The following DLG2 variants were observed in gnomAD, a reference collection of about 807,000 sequenced individuals.
The protein encoded by DLG2 is disks large homolog 2.
Under a neutral mutation model 132.5 loss-of-function variants are expected in DLG2, and 45 were observed. The ratio of observed to expected loss-of-function variants is 0.34; its 90% confidence interval spans 0.27 to 0.44. DLG2 has a LOEUF of 0.44. Ranked by LOEUF, DLG2 falls within the 20% of genes least tolerant of loss-of-function variation. The probability of loss-of-function intolerance (pLI) is 1.00; values close to 1 mark genes in which losing one functional copy is unlikely to be tolerated. For synonymous variants in DLG2, 424 were observed against 419.6 expected (o/e 1.01, Z -0.13); for missense variants, 1,045 against 1,196.9 (o/e 0.87, Z 1.87).
chr11:84,300,521 G>T (rs2098140067), intron 7 of DLG2, among the ~76,000 whole-genome samples: 1 of 152,138 alleles, frequency 6.6e-6, no homozygotes, highest in Non-Finnish European at 1.5e-5. Flanking sequence ...AATTTTAAAT[G>T]GGAACTACTT....
chr11:83,621,004 A>T (rs2061555389), intron 19 of DLG2, among the ~76,000 whole-genome samples: 1 of 151,080 alleles, frequency 6.6e-6, no homozygotes, highest in South Asian at 2.1e-4. Context: ...ATAAGGTAAG[A>T]TTATATGGAT....
intron 18 of DLG2, among the ~76,000 whole-genome samples, chr11:83,774,555 T>C (rs1018503599): frequency 3.3e-5 from 5 of 152,244 alleles, no homozygotes; most frequent in Admixed American, 2.6e-4. Context: ...GATTTCACAG[T>C]AGGAATTCTT....
intron 18 of DLG2, among the ~76,000 whole-genome samples, chr11:83,726,882 C>G (rs1274894116): frequency 1.3e-5 from 2 of 152,174 alleles, no homozygotes; most frequent in Non-Finnish European, 2.9e-5. Flanking sequence ...ATAATGACCC[C>G]TTCAGATGAA....
intron 6 of DLG2, among the ~76,000 whole-genome samples, chr11:85,093,391 AC>A (rs1190869247): frequency 1.3e-5 from 2 of 152,092 alleles, no homozygotes; most frequent in African/African-American, 4.8e-5. Flanking sequence ...GATATTCCCC[AC>A]CCAGTACACT....
intron 3 of DLG2, among the ~76,000 whole-genome samples, chr11:85,464,066 G>A (rs915646260): frequency 6.8e-5 from 10 of 146,982 alleles, no homozygotes; most frequent in East Asian, 6.1e-4. Flanking sequence ...AGGGTAGGTT[G>A]TATCATATAC....
chr11:84,376,928 T>C (rs556210748), intron 7 of DLG2, among the ~76,000 whole-genome samples: 155 of 151,994 alleles, frequency 1.0e-3, no homozygotes, highest in Non-Finnish European at 1.5e-3. Flanking sequence ...AATGGCAAAT[T>C]ATGTTGAAAA....
chr11:85,181,980 C>T (rs190556091), intron 4 of DLG2, among the ~76,000 whole-genome samples: 4 of 151,952 alleles, frequency 2.6e-5, no homozygotes, highest in African/African-American at 7.2e-5. Flanking sequence ...TTTGCCTCAT[C>T]TTTGTGATGT....
chr11:84,401,288 C>A (rs936710136), intron 7 of DLG2, among the ~76,000 whole-genome samples: 2 of 152,132 alleles, frequency 1.3e-5, no homozygotes, highest in Admixed American at 6.5e-5. Context: ...GCCCTCAAAA[C>A]CCCCTGTACT....
intron 18 of DLG2, among the ~76,000 whole-genome samples, chr11:83,688,387 C>T (rs1226274971): frequency 6.6e-6 from 1 of 152,058 alleles, no homozygotes; most frequent in African/African-American, 2.4e-5. Context: ...GTATCTAGAA[C>T]ACCATAAAAA....
Position 83,527,414 on chromosome 11 carries a change from C to T in DLG2, c.2193+5294G>A, listed in dbSNP as rs189037026. Among the ~76,000 whole-genome samples, 21 of 152,212 alleles carry T rather than the reference C, an allele frequency of 1.4e-4. 2 individuals carry two copies. Among genetic ancestry groups the T allele is most frequent in the African/African-American group, 5.1e-4 (21 of 41,538 alleles). ...GGAAATAAATGATTTCCTTTGAAGT[C>T]TTGTGGTGATTAAGAGATGTATGTA... On this transcript the variant is annotated intron_variant, in intron 21 of 27. Coordinates refer to ENST00000376104, the MANE Select transcript of DLG2 (RefSeq NM_001142699.3).
chr11:83,614,775 T>C (rs2060569334), intron 19 of DLG2, among the ~76,000 whole-genome samples: 1 of 152,146 alleles, frequency 6.6e-6, no homozygotes, highest in Admixed American at 6.5e-5. Flanking sequence ...ACTTAACAAA[T>C]ATTTATGCAA....
Position 84,934,515 on chromosome 11 carries a change from G to GGT in DLG2, c.357+177145_357+177146insAC, listed in dbSNP as rs1566441569. Among the ~76,000 whole-genome samples the GGT allele has an allele frequency of 9.4e-3, 380 of 40,428 alleles. 22 individuals are homozygous for GGT. The highest frequency in any genetic ancestry group is 0.019 in the East Asian group (16 of 822). 26.5% of individuals were successfully genotyped at this position (40,428 alleles called of 152,430 possible). A position where few individuals can be genotyped will look rare whatever the true frequency, so the allele number is the denominator to read the frequency against. ...GTATGGTCCTGGGTGTTTTTTTTTTGTTTTGTTTTGTTTTTTTTTTTTTTT... is the reference window on the plus strand; with the variant it reads ...GTATGGTCCTGGGTGTTTTTTTTTTGGTTTTTGTTTTGTTTTTTTTTTTTTTT... On this transcript the variant is annotated intron_variant, in intron 6 of 27. Coordinates refer to ENST00000376104, the MANE Select transcript of DLG2 (RefSeq NM_001142699.3).
At position 84,344,155 on chromosome 11, in the gene DLG2, A is replaced by T. The variant is rs959761366; in HGVS notation, c.520-92864T>A. Among the ~76,000 whole-genome samples the T allele has an allele frequency of 4.6e-5, 7 of 152,356 alleles. 1 individual carries two copies. Among genetic ancestry groups the T allele is most frequent in the South Asian group, 4.1e-4 (2 of 4,826 alleles). On this transcript the variant is annotated intron_variant, in intron 7 of 27. Transcript: ENST00000376104. ...GTTTGGGAAACAAATACCAACACAG[A>T]GTCCAGTTTGAAGCCTCTTTGAAAA...
At chr11:83,806,220 T>G (rs1178944094) in intron 17 of DLG2, among the ~76,000 whole-genome samples, 3 of 152,178 alleles carry the variant, frequency 2.0e-5, no homozygotes, top group Non-Finnish European at 2.9e-5. Flanking sequence ...ACATGAATTT[T>G]GGTCCTTCTT....
intron 19 of DLG2, among the ~76,000 whole-genome samples, chr11:83,624,465 C>G (rs147796484): frequency 1.1e-4 from 16 of 152,296 alleles, no homozygotes; most frequent in African/African-American, 3.8e-4. Context: ...AAGGATACAA[C>G]TAAAAATGCA....
rs565259798 is a variant in DLG2, at chr11:84,329,953, G to A, written c.520-78662C>T. Among the ~76,000 whole-genome samples, 14 of 152,216 alleles carry A rather than the reference G, an allele frequency of 9.2e-5. No homozygotes were observed. The East Asian group carries it at 2.7e-3, about 29-fold the overall frequency. On this transcript the variant is annotated intron_variant, in intron 7 of 27. Transcript: ENST00000376104. ...TCTGACCATTATTAGCTATGAACTT[G>A]GGCAAGTCACTTAACCTCTCTGTGC...
intron 21 of DLG2, among the ~76,000 whole-genome samples, chr11:83,513,409 T>C (rs2140047333): frequency 6.6e-6 from 1 of 152,350 alleles, no homozygotes; most frequent in Non-Finnish European, 1.5e-5. Context: ...TTGGAGTTCA[T>C]TGTAGATTCT....
chr11:85,394,094 T>A (rs1214629948), intron 3 of DLG2, among the ~76,000 whole-genome samples: 2 of 152,186 alleles, frequency 1.3e-5, no homozygotes, highest in Non-Finnish European at 2.9e-5. Context: ...AAAAAGAATC[T>A]ATATATCAGC....
intron 18 of DLG2, among the ~76,000 whole-genome samples, chr11:83,763,589 G>T (rs2094008724): frequency 6.6e-6 from 1 of 152,166 alleles, no homozygotes; most frequent in South Asian, 2.1e-4. Context: ...AGGAAAATGT[G>T]AATGATCACC....
Sources: allele counts gnomAD v4.1 joint callset (sites outside exome capture counted in the v4.1 genomes callset), GRCh38; gene constraint gnomAD v4.1.1; transcripts MANE v1.5; gene names NCBI Gene and HGNC (gene_info 2026-07-23, HGNC 2026-07-21).